The following PCDHGA2 variants were observed in gnomAD, a reference collection of about 807,000 sequenced individuals.
PCDHGA2 encodes the protein protocadherin gamma subfamily A, 2.
Under a neutral mutation model 59.2 loss-of-function variants are expected in PCDHGA2, and 40 were observed. That is an observed-to-expected ratio of 0.68 (90% CI 0.52 to 0.88). PCDHGA2 has a LOEUF of 0.88. PCDHGA2 is among the 40% of genes least tolerant of loss of function. PCDHGA2 has a pLI of 0.00. For synonymous variants in PCDHGA2, 560 were observed against 526.0 expected, an observed-to-expected ratio of 1.06 and a Z score of -0.89; for missense variants, 1,226 against 1,204.0, an observed-to-expected ratio of 1.02 and a Z score of -0.27.
intron 1 of PCDHGA2, among the ~76,000 whole-genome samples, chr5:141,450,894 G>A (rs919860611): frequency 2.7e-5 from 4 of 148,956 alleles, no homozygotes; most frequent in Admixed American, 1.3e-4. Context: ...GTGCGATATC[G>A]GCTCACTGCA....
intron 1 of PCDHGA2, chr5:141,427,871 GA>G: frequency 6.4e-7 from 1 of 1,559,532 alleles, no homozygotes; most frequent in Non-Finnish European, 8.8e-7. Context: ...TCGAGCTCAC[GA>G]TGCAGGCCCA....
At chr5:141,405,389 T>A in intron 1 of PCDHGA2, 12 of 1,600,534 alleles carry the variant, frequency 7.5e-6, no homozygotes, top group Non-Finnish European at 8.5e-6. Context: ...GAGTTCATTT[T>A]TTTTCTTTCT....
rs2097456240 is a variant in PCDHGA2, at chr5:141,432,134, G to T, written c.2425-62673G>T. 3 of 1,613,756 alleles carry T rather than the reference G, an allele frequency of 1.9e-6. No individual in the cohort carries two copies. The highest frequency in any genetic ancestry group is 1.3e-5 in the African/African-American group (1 of 74,800). On this transcript the variant is annotated intron_variant, in intron 1 of 3. Coordinates refer to ENST00000394576, the MANE Select transcript of PCDHGA2 (RefSeq NM_018915.4). This position sits in a 1 kb window ranked among gnomAD's most constrained non-coding sequence, Gnocchi z 6.0. The stretch of plus-strand genomic sequence containing the variant: ...GGTCTTCCCTCAGGCCTCCTATTCC[G>T]CTTATATCCCAGAGAACAATCCCAG...
chr5:141,399,561 G>A, intron 1 of PCDHGA2: 2 of 1,614,042 alleles, frequency 1.2e-6, no homozygotes, highest in Non-Finnish European at 1.7e-6. Flanking sequence ...TGGACTTGGG[G>A]TTGAACGGCC....
chr5:141,401,765 G>C (rs2094191872), intron 1 of PCDHGA2, among the ~76,000 whole-genome samples: 1 of 152,138 alleles, frequency 6.6e-6, no homozygotes. Context: ...CATGGTATAA[G>C]TCTTTTGCTT....
At chr5:141,346,517 G>C in intron 1 of PCDHGA2, 5 of 1,598,398 alleles carry the variant, frequency 3.1e-6, no homozygotes, top group Non-Finnish European at 4.3e-6. Flanking sequence ...TTATTATAAA[G>C]CTTTAACACA....
Position 141,431,877 on chromosome 5 carries a change from A to G in PCDHGA2, c.2425-62930A>G. On this transcript the variant is annotated intron_variant, in intron 1 of 3. Coordinates refer to ENST00000394576, the MANE Select transcript of PCDHGA2 (RefSeq NM_018915.4). The surrounding 1 kb of genome is among the most constrained non-coding windows in gnomAD (Gnocchi z 4.8). ...TTAATTGCCCTTTTAAATGTAAATG[A>G]CCAAGATTCTGAGGAAAACGGACAG... is the stretch of plus-strand genomic sequence containing the variant. 8 of 1,614,230 alleles carry G rather than the reference A, an allele frequency of 5.0e-6. No individual in the cohort carries two copies. Among genetic ancestry groups the G allele is most frequent in the Non-Finnish European group, 6.8e-6 (8 of 1,180,016 alleles).
intron 1 of PCDHGA2, chr5:141,424,599 GATTT>G (rs1016470290): frequency 3.9e-5 from 6 of 152,170 alleles, no homozygotes; most frequent in Non-Finnish European, 8.8e-5. Flanking sequence ...GATGTCTACA[GATTT>G]ATTCAAATAG....
chr5:141,356,869 G>T, intron 1 of PCDHGA2: 1 of 1,614,182 alleles, frequency 6.2e-7, no homozygotes, highest in Non-Finnish European at 8.5e-7. Context: ...GGACCAGAAC[G>T]ACAATGTCCC....
rs762138055 is a variant in PCDHGA2, at chr5:141,490,757, T to C, written c.2425-4050T>C. 6.2e-7 allele frequency: 1 copy of C among 1,613,918 alleles called. No homozygotes were observed. The highest frequency in any genetic ancestry group is 2.2e-5 in the East Asian group (1 of 44,892). On this transcript the variant is annotated intron_variant, in intron 1 of 3. Coordinates refer to ENST00000394576, the MANE Select transcript of PCDHGA2 (RefSeq NM_018915.4). The surrounding 1 kb of genome is among the most constrained non-coding windows in gnomAD (Gnocchi z 5.4). ...GTTCAGGGAGCCCCAGCCTCCTCCT[T>C]TGTGTATGTCAACCCAGAGGATGGA...
At chr5:141,375,947 C>A in intron 1 of PCDHGA2, 2 of 1,613,578 alleles carry the variant, frequency 1.2e-6, no homozygotes, top group Non-Finnish European at 8.5e-7. Context: ...AGTGGGCCTG[C>A]ACACGGGCGA....
chr5:141,393,072 G>A (rs2092669892), intron 1 of PCDHGA2: 1 of 1,613,680 alleles, frequency 6.2e-7, no homozygotes. Flanking sequence ...CTTGATCACC[G>A]CGGGCAGGAT....
intron 1 of PCDHGA2, chr5:141,400,525 G>T: frequency 1.2e-6 from 2 of 1,613,908 alleles, no homozygotes; most frequent in Non-Finnish European, 1.7e-6. Flanking sequence ...TCCTGAGTTG[G>T]TGAGTTTCAT....
At chr5:141,342,750 G>C (rs936790409) in intron 1 of PCDHGA2, 1 of 152,184 alleles carries the variant, frequency 6.6e-6, no homozygotes, top group Admixed American at 6.5e-5. Flanking sequence ...GATATGTAAT[G>C]CATCATGATT....
intron 1 of PCDHGA2, among the ~76,000 whole-genome samples, chr5:141,458,909 T>G (rs548847649): frequency 6.6e-6 from 1 of 152,192 alleles, no homozygotes; most frequent in African/African-American, 2.4e-5. Context: ...TTTTTTCTAT[T>G]TTTTGTGGAG....
rs1471863168 is a variant in PCDHGA2, at chr5:141,476,550, G to A, written c.2425-18257G>A. ...ACCCAGGAAATGAAATTGGAGATTA[G>A]CGAGGCCGTGGCTCCGGGGACGCGC... On this transcript the variant is annotated intron_variant, in intron 1 of 3. Transcript: ENST00000394576. The surrounding 1 kb of genome is among the most constrained non-coding windows in gnomAD (Gnocchi z 7.6). 1.2e-6 allele frequency: 2 copies of A among 1,614,110 alleles called. No individual in the cohort carries two copies. The highest frequency in any genetic ancestry group is 4.5e-5 in the East Asian group (2 of 44,884).
At chr5:141,350,546 A>T (rs886105437) in intron 1 of PCDHGA2, 2 of 1,613,906 alleles carry the variant, frequency 1.2e-6, no homozygotes, top group Admixed American at 1.7e-5. Context: ...TTGCGGAAGG[A>T]AACTTGAGTG....
intron 1 of PCDHGA2, chr5:141,342,871 A>G (rs894151562): frequency 2.6e-5 from 4 of 152,230 alleles, no homozygotes; most frequent in African/African-American, 7.2e-5. Flanking sequence ...TTGAAAAAAC[A>G]TCCTTACAGT....
At chr5:141,364,538 G>A in intron 1 of PCDHGA2, 1 of 1,614,118 alleles carries the variant, frequency 6.2e-7, no homozygotes, top group South Asian at 1.1e-5. Flanking sequence ...CGTCTCCAGA[G>A]GTAGGACGCA....
Sources: gnomAD v4.1 joint callset for allele counts (sites outside exome capture counted in the v4.1 genomes callset) on GRCh38, gnomAD v4.1.1 for gene constraint, Gnocchi (gnomAD v3.1) non-coding constraint, MANE v1.5 for transcripts, NCBI Gene and HGNC (gene_info 2026-07-23, HGNC 2026-07-21) for gene names.